Variants in ADAMTS20 observed in about 807,000 individuals in gnomAD.
The protein encoded by ADAMTS20 is A disintegrin and metalloproteinase with thrombospondin motifs 20.
Under a neutral mutation model 260.1 loss-of-function variants are expected in ADAMTS20, and 225 were observed. The observed-to-expected ratio is 0.87, with a 90% confidence interval of 0.78 to 0.97. ADAMTS20 has a LOEUF of 0.97. ADAMTS20 is among the 50% of genes least tolerant of loss of function. The probability of loss-of-function intolerance (pLI) is 0.00; values close to 1 mark genes in which losing one functional copy is unlikely to be tolerated. For missense variants in ADAMTS20, 2,400 were observed against 2,337.7 expected, an observed-to-expected ratio of 1.03 and a Z score of -0.55; for synonymous variants, 802 against 769.5, an observed-to-expected ratio of 1.04 and a Z score of -0.70.
At chr12:43,470,009 G>C (rs10748359) in intron 7 of ADAMTS20, among the ~76,000 whole-genome samples, 2 of 151,950 alleles carry the variant, frequency 1.3e-5, no homozygotes, top group Admixed American at 1.3e-4. Context: ...TTCCTTACAA[G>C]GAAGACTAAA....
At chr12:43,520,269 C>T (rs1049147851) in intron 3 of ADAMTS20, among the ~76,000 whole-genome samples, 12 of 151,850 alleles carry the variant, frequency 7.9e-5, no homozygotes, top group Admixed American at 5.9e-4. Context: ...TAAAAACAAG[C>T]GCTTAAGTTA....
chr12:43,376,946 T>C (rs1180652004), intron 32 of ADAMTS20, among the ~76,000 whole-genome samples: 1 of 152,258 alleles, frequency 6.6e-6, no homozygotes, highest in Admixed American at 6.5e-5. Context: ...TGATGGTAAT[T>C]AAAACTATCT....
At chr12:43,394,065 C>A (rs1482056671) in intron 29 of ADAMTS20, among the ~76,000 whole-genome samples, 2 of 152,046 alleles carry the variant, frequency 1.3e-5, no homozygotes, top group Non-Finnish European at 2.9e-5. Flanking sequence ...GATGTGAGGA[C>A]TGGAACTGTG....
chr12:43,535,899 T>C (rs1050427288), intron 2 of ADAMTS20, among the ~76,000 whole-genome samples: 2 of 152,064 alleles, frequency 1.3e-5, no homozygotes, highest in East Asian at 1.9e-4. Context: ...AAGGGAAATG[T>C]TTAGCCATCA....
chr12:43,405,445 TAATAATAATAATA>T (rs1200138725), intron 28 of ADAMTS20, among the ~76,000 whole-genome samples: 4 of 118,772 alleles, frequency 3.4e-5, no homozygotes, highest in African/African-American at 1.3e-4. Context: ...ATAATAATAA[TAATAATAATAATA>T]ATAAATTAAA....
At chr12:43,497,819 A>G (rs1203094072) in intron 4 of ADAMTS20, among the ~76,000 whole-genome samples, 1 of 152,130 alleles carries the variant, frequency 6.6e-6, no homozygotes, top group African/African-American at 2.4e-5. Context: ...TGAGGATTAC[A>G]TGATGCTCCT....
intron 28 of ADAMTS20, among the ~76,000 whole-genome samples, chr12:43,415,361 A>T (rs1429607104): frequency 6.6e-6 from 1 of 151,808 alleles, no homozygotes; most frequent in Non-Finnish European, 1.5e-5. Flanking sequence ...AGTTTGCTTA[A>T]AAAAAAAGCA....
In ADAMTS20 at chr12:43,464,898, A is replaced by C. The variant is rs548691139; in HGVS notation, c.1368-166T>G. ...AATATCAGTATAGCAATGTTCGTACACATAAGGATGACCTCACAGTTTACA... is the reference window on the plus strand; with the variant it reads ...AATATCAGTATAGCAATGTTCGTACCCATAAGGATGACCTCACAGTTTACA... On this transcript the variant is annotated intron_variant, in intron 9 of 38. Transcript: ENST00000389420. Among the ~76,000 whole-genome samples the C allele has an allele frequency of 2.6e-5, 4 of 152,260 alleles. No individual in the cohort carries two copies. In the South Asian group the frequency reaches 8.3e-4, roughly 32 times the overall value.
intron 17 of ADAMTS20, 29 bp downstream of exon 17, chr12:43,439,868 A>G: frequency 6.3e-7 from 1 of 1,586,728 alleles, no homozygotes; most frequent in Non-Finnish European, 8.6e-7. Context: ...ATTAAATCCA[A>G]GTGTTATTAC....
chr12:43,449,435 G>C (rs1028486975), intron 14 of ADAMTS20, among the ~76,000 whole-genome samples: 4 of 152,034 alleles, frequency 2.6e-5, no homozygotes, highest in Admixed American at 6.6e-5. Flanking sequence ...GCTAAATGAT[G>C]AGAACATATG....
intron 38 of ADAMTS20, among the ~76,000 whole-genome samples, chr12:43,355,496 C>T (rs1939724967): frequency 6.6e-6 from 1 of 152,102 alleles, no homozygotes; most frequent in Non-Finnish European, 1.5e-5. Context: ...ACAATTTTAT[C>T]ATCTTCAGAA....
chr12:43,504,845 C>A (rs1942818982), intron 3 of ADAMTS20, among the ~76,000 whole-genome samples: 1 of 152,114 alleles, frequency 6.6e-6, no homozygotes, highest in Non-Finnish European at 1.5e-5. Flanking sequence ...ATTCTACCTA[C>A]CAGAATGACT....
At chr12:43,472,487 G>A (rs1180066205) in intron 7 of ADAMTS20, among the ~76,000 whole-genome samples, 3 of 134,156 alleles carry the variant, frequency 2.2e-5, no homozygotes, top group Non-Finnish European at 3.2e-5. Context: ...TACAGAGAAC[G>A]CCACAAAGAT....
chr12:43,429,600 T>C lies in ADAMTS20; in HGVS notation c.3489+17A>G, dbSNP rs1354462485. On this transcript the variant is annotated intron_variant, in intron 24 of 38. Coordinates refer to ENST00000389420, the MANE Select transcript of ADAMTS20 (RefSeq NM_025003.5). Reference sequence around the variant, plus strand: ...ACCATAATAGAAACACTGTATCTATTAAAGAAATTCACTTACTGGGGTCCA... The same window carrying C: ...ACCATAATAGAAACACTGTATCTATCAAAGAAATTCACTTACTGGGGTCCA... 2 of 1,541,506 alleles carry C rather than the reference T, an allele frequency of 1.3e-6. No individual in the cohort carries two copies. The highest frequency in any genetic ancestry group is 2.4e-5 in the South Asian group (2 of 83,348).
intron 2 of ADAMTS20, among the ~76,000 whole-genome samples, chr12:43,534,879 G>T (rs1441172574): frequency 1.3e-5 from 2 of 152,078 alleles, no homozygotes; most frequent in Admixed American, 6.6e-5. Context: ...GGTGCATGTA[G>T]GATGGACTAG....
intron 37 of ADAMTS20, 80 bp from the exon 38 acceptor site, chr12:43,356,668 G>A: frequency 1.0e-6 from 1 of 964,532 alleles, no homozygotes; most frequent in Non-Finnish European, 1.6e-6. Flanking sequence ...CAATTGCAAG[G>A]GGCAACTGAA....
rs778940919 is a variant in ADAMTS20, at chr12:43,453,991, C to T, written c.1676G>A (p.Trp559Ter). 6.2e-6 allele frequency: 10 copies of T among 1,613,768 alleles called. No individual in the cohort carries two copies. The highest frequency in any genetic ancestry group is 8.5e-6 in the Non-Finnish European group (10 of 1,179,796). Residue 559 changes from tryptophan (W) to a stop codon, truncating the protein, a stop_gained, in exon 12 of 39, where the codon TGG (tryptophan) becomes TAG (stop). Transcript: ENST00000389420. LOFTEE classifies it high-confidence loss of function. ...AGAACTGTAAGGTTCCCATGGTCCC[C>T]ATTCACCATTTACAGGACGTGTTTC... ...ETETRPVNGE[W>*]GPWEPYSSCS...
chr12:43,435,710 A>G (rs1267354122), intron 18 of ADAMTS20, among the ~76,000 whole-genome samples: 1 of 150,970 alleles, frequency 6.6e-6, no homozygotes, highest in East Asian at 1.9e-4. Flanking sequence ...AAAAAAAAAC[A>G]TGGATACAGA....
chr12:43,500,483 T>C (rs1348727219), intron 4 of ADAMTS20, among the ~76,000 whole-genome samples: 1 of 152,212 alleles, frequency 6.6e-6, no homozygotes, highest in Non-Finnish European at 1.5e-5. Flanking sequence ...GAGTTTGCCA[T>C]ACCAACATTT....
Sources: allele counts gnomAD v4.1 joint callset (sites outside exome capture counted in the v4.1 genomes callset), GRCh38; gene constraint gnomAD v4.1.1; transcripts MANE v1.5; gene names NCBI Gene and HGNC (gene_info 2026-07-23, HGNC 2026-07-21).